TMTC2: variants seen among roughly 807,000 people sequenced by gnomAD.
TMTC2 encodes transmembrane O-mannosyltransferase targeting cadherins 2, also known as protein O-mannosyl-transferase TMTC2.
In TMTC2, 43 loss-of-function variants were observed where a neutral mutation model predicts 82.4. The observed-to-expected ratio is 0.52, with a 90% CI of 0.41 to 0.67. The LOEUF (loss-of-function observed/expected upper bound fraction) is 0.67, where lower values mean the gene tolerates loss of function less well. TMTC2 is among the 30% of genes least tolerant of loss of function. TMTC2 has a pLI of 0.00. For missense variants in TMTC2, 919 were observed against 1,012.4 expected (o/e 0.91, Z 1.25); for synonymous variants, 408 against 381.9 (o/e 1.07, Z -0.80).
chr12:83,028,731 C>G (rs914629931), intron 8 of TMTC2, among the ~76,000 whole-genome samples: 8 of 152,124 alleles, frequency 5.3e-5, no homozygotes, highest in Non-Finnish European at 1.0e-4. Context: ...AGAATCTGTA[C>G]TCCTAATTCA....
At chr12:82,812,810 T>G (rs1199214109) in intron 1 of TMTC2, among the ~76,000 whole-genome samples, 7 of 152,098 alleles carry the variant, frequency 4.6e-5, no homozygotes, top group African/African-American at 7.2e-5. Context: ...TATTTTTTAA[T>G]GTAAGAAATA....
chr12:82,807,959 G>A (rs910784671), intron 1 of TMTC2, among the ~76,000 whole-genome samples: 2 of 151,716 alleles, frequency 1.3e-5, no homozygotes, highest in Admixed American at 1.3e-4. Context: ...TCTTATAATG[G>A]GCTTTAAAAA....
At chr12:83,127,230 C>T (rs1247407712) in intron 11 of TMTC2, among the ~76,000 whole-genome samples, 7 of 152,094 alleles carry the variant, frequency 4.6e-5, no homozygotes, top group Admixed American at 6.6e-5. Flanking sequence ...AGGCTAACTT[C>T]AGTCACTCTT....
At chr12:82,693,705 C>G (rs965627033) in intron 1 of TMTC2, among the ~76,000 whole-genome samples, 1 of 151,444 alleles carries the variant, frequency 6.6e-6, no homozygotes, top group African/African-American at 2.4e-5. Context: ...CGCGGTGGCT[C>G]ACGCCTGTAA....
At chr12:82,791,773 A>G (rs949512197) in intron 1 of TMTC2, among the ~76,000 whole-genome samples, 3 of 152,150 alleles carry the variant, frequency 2.0e-5, no homozygotes, top group African/African-American at 4.8e-5. Context: ...TACTTTAGGA[A>G]ACCTGCCAGT....
chr12:82,779,101 A>C (rs1254214743), intron 1 of TMTC2, among the ~76,000 whole-genome samples: 1 of 151,932 alleles, frequency 6.6e-6, no homozygotes, highest in East Asian at 1.9e-4. Flanking sequence ...TCTCTGGGCA[A>C]ACAATAGTGG....
rs75915007 is a variant in TMTC2 at position 82,875,462 on chromosome 12, A to C, written c.654+17882A>C. Among the ~76,000 whole-genome samples the C allele has an allele frequency of 6.9e-3, 1,055 of 152,010 alleles. 12 individuals are homozygous for C. Among genetic ancestry groups the C allele is most frequent in the African/African-American group, 0.025 (1,015 of 41,402 alleles). On this transcript the variant is annotated intron_variant, in intron 2 of 11. Coordinates refer to ENST00000321196, the MANE Select transcript of TMTC2 (RefSeq NM_152588.3). Reference sequence around the variant, plus strand: ...CTGAGCCTGAGCGTGCAAGACCTTTACTCATTTTTCCTACTCCATATTGTA... The same window carrying C: ...CTGAGCCTGAGCGTGCAAGACCTTTCCTCATTTTTCCTACTCCATATTGTA...
chr12:82,809,921 G>A lies in TMTC2; in HGVS notation c.84-47089G>A, dbSNP rs1202962674. ...TTTTTTATTTGAAGGAAATACTTAC[G>A]GTATGGGGTCATAGACTTTGAATAT... On this transcript the variant is annotated intron_variant, in intron 1 of 11. Transcript: ENST00000321196. Among the ~76,000 whole-genome samples the A allele has an allele frequency of 5.3e-5, 8 of 152,154 alleles. No individual in the cohort carries two copies. The South Asian group carries it at 1.2e-3, about 24-fold the overall frequency.
rs528600786 is a variant in TMTC2 at position 83,039,428 on chromosome 12, A to G, written c.2152+8549A>G. On this transcript the variant is annotated intron_variant, in intron 9 of 11. Transcript: ENST00000321196. ...TATTTCCATTATGAAATATTCAAAT[A>G]TGATATTTGATGAATATATTATATA... Among the ~76,000 whole-genome samples, 11 of 152,038 alleles carry G rather than the reference A, an allele frequency of 7.2e-5. No individual in the cohort carries two copies. The South Asian group carries it at 1.9e-3, about 26-fold the overall frequency.
intron 2 of TMTC2, among the ~76,000 whole-genome samples, chr12:82,876,088 GTATTCATAA>G (rs1872530269): frequency 9.8e-5 from 13 of 132,208 alleles, no homozygotes; most frequent in African/African-American, 3.4e-4. Flanking sequence ...ATGGTGATTA[GTATTCATAA>G]TGGTGGTGGT....
chr12:82,778,090 A>G (rs895757079), intron 1 of TMTC2, among the ~76,000 whole-genome samples: 20 of 152,084 alleles, frequency 1.3e-4, no homozygotes, highest in African/African-American at 4.6e-4. Flanking sequence ...CTATGTAAAT[A>G]TTCTTCAGTA....
intron 1 of TMTC2, among the ~76,000 whole-genome samples, chr12:82,844,603 C>T (rs1039768359): frequency 1.3e-5 from 2 of 151,376 alleles, no homozygotes; most frequent in African/African-American, 4.9e-5. Flanking sequence ...AGATCGAGAC[C>T]ATCCTGGCTA....
chr12:82,993,076 C>T (rs992555319), intron 8 of TMTC2, among the ~76,000 whole-genome samples: 2 of 152,102 alleles, frequency 1.3e-5, no homozygotes, highest in Non-Finnish European at 2.9e-5. Flanking sequence ...CCTCTGCCTC[C>T]CGGATTCAGG....
intron 1 of TMTC2, among the ~76,000 whole-genome samples, chr12:82,722,016 A>C (rs1328797585): frequency 6.6e-6 from 1 of 152,132 alleles, no homozygotes; most frequent in Non-Finnish European, 1.5e-5. Context: ...TACTCTGTGG[A>C]TGTTTCACTT....
chr12:82,728,123 T>C (rs1350809535), intron 1 of TMTC2, among the ~76,000 whole-genome samples: 1 of 151,156 alleles, frequency 6.6e-6, no homozygotes, highest in Non-Finnish European at 1.5e-5. Flanking sequence ...CACATTAGAA[T>C]AGCTGGGAAT....
At chr12:82,785,126 A>G (rs1304773362) in intron 1 of TMTC2, among the ~76,000 whole-genome samples, 1 of 152,046 alleles carries the variant, frequency 6.6e-6, no homozygotes, top group Non-Finnish European at 1.5e-5. Flanking sequence ...ATGGGAAAGA[A>G]CTCAGTTTTA....
Position 82,779,036 on chromosome 12 carries a change from CAAA to C in TMTC2, c.84-77956_84-77954del, listed in dbSNP as rs1196960733. Among the ~76,000 whole-genome samples, 266 of 75,146 alleles carry C rather than the reference CAAA, an allele frequency of 3.5e-3. 2 individuals are homozygous for C. Among genetic ancestry groups the C allele is most frequent in the African/African-American group, 0.01 (227 of 22,592 alleles). 49.3% of individuals were successfully genotyped at this position (75,146 alleles called of 152,430 possible). A position where few individuals can be genotyped will look rare whatever the true frequency, so the allele number is the denominator to read the frequency against. ...TGGGCGACAGAGCGAGACTCCATAT[CAAA>C]AAAAAAAAAAAAAAAAATCTCACAC... On this transcript the variant is annotated intron_variant, in intron 1 of 11. Transcript: ENST00000321196.
At chr12:82,984,938 T>G (rs765491602) in intron 7 of TMTC2, among the ~76,000 whole-genome samples, 7 of 152,138 alleles carry the variant, frequency 4.6e-5, no homozygotes, top group Non-Finnish European at 1.0e-4. Context: ...TGCCTCACAC[T>G]CATGTTGTAT....
intron 8 of TMTC2, among the ~76,000 whole-genome samples, chr12:82,997,206 CCTCTCT>C (rs202229293): frequency 3.4e-5 from 4 of 117,892 alleles, no homozygotes; most frequent in Non-Finnish European, 6.7e-5. Context: ...TCCCCCTCTC[CCTCTCT>C]CTCTCTCTCT....
Sources: gnomAD v4.1 joint callset for allele counts (sites outside exome capture counted in the v4.1 genomes callset) on GRCh38, gnomAD v4.1.1 for gene constraint, MANE v1.5 for transcripts, NCBI Gene and HGNC (gene_info 2026-07-23, HGNC 2026-07-21) for gene names.